The following PSME2 variants were observed in gnomAD, a reference collection of about 807,000 sequenced individuals.
PSME2 encodes proteasome activator complex subunit 2.
PSME2 carries 20 observed loss-of-function variants against 38.8 expected under a neutral mutation model. That is an observed-to-expected ratio of 0.52 (90% CI 0.36 to 0.75). PSME2 has a LOEUF of 0.75. PSME2 is among the 30% of genes least tolerant of loss of function. The pLI is 0.00. For synonymous variants in PSME2, 82 were observed against 102.5 expected, an observed-to-expected ratio of 0.80 and a Z score of 1.21; for missense variants, 227 against 287.6, an observed-to-expected ratio of 0.79 and a Z score of 1.52.
At chr14:24,144,065 T>A (rs1566609138) in intron 8 of PSME2, 36 bp from the exon 9 acceptor site, 1 of 1,612,026 alleles carries the variant, frequency 6.2e-7, no homozygotes, top group Non-Finnish European at 8.5e-7. Context: ...GGAATGAGTG[T>A]TCAGGGAGAT....
At chr14:24,144,282 G>A (rs1045344773) in intron 7 of PSME2, 23 bp from the exon 8 acceptor site, 2 of 1,613,950 alleles carry the variant, frequency 1.2e-6, no homozygotes, top group African/African-American at 2.7e-5. Context: ...GGGAGGCAAA[G>A]ACAACACTTC....
chr14:24,145,123 T>C lies in PSME2; in HGVS notation c.295A>G (p.Lys99Glu). ...HKCGFLPGNE[K>E]VLSLLALVKP... ...ACCAGGGCAAGCAGGGACAGGACTT[T>C]CTCATTCCCAGGGAGAAATCCACAC... is the stretch of plus-strand genomic sequence containing the variant. The change falls in exon 6 of 11, where the codon AAA becomes GAA. Residue 99 changes from lysine to glutamate, a missense_variant. Physicochemically the swap from Lys to Glu is moderately conservative, Grantham distance 56. This residue lies in a region of PSME2 where 48 missense variants were observed against 96.4 expected (regional missense o/e 0.50). Transcript: ENST00000216802. 1.2e-6 allele frequency: 2 copies of C among 1,613,684 alleles called. No individual in the cohort carries two copies. Among genetic ancestry groups the C allele is most frequent in the African/African-American group, 1.3e-5 (1 of 74,984 alleles).
At position 24,145,422 on chromosome 14, in the gene PSME2, G is replaced by A; in HGVS notation, c.188C>T (p.Pro63Leu). The change falls in exon 4 of 11, where the codon CCA (proline) becomes CTA (leucine). Residue 63 changes from proline (P) to leucine (L), a missense_variant. Physicochemically the swap from Pro to Leu is moderately conservative, Grantham distance 98. Transcript: ENST00000216802. ...AGGGTCTGGGATGGGGATGTCCAGT[G>A]GGGCCCGGAGGGAAGTCAAGTCAGC... ...NVADLTSLRA[P>L]LDIPIPDPPP... 2 of 1,562,190 alleles carry A rather than the reference G, an allele frequency of 1.3e-6. No homozygotes were observed. Among genetic ancestry groups the A allele is most frequent in the South Asian group, 1.2e-5 (1 of 81,464 alleles).
chr14:24,143,593 C>G lies in PSME2; in HGVS notation c.631G>C (p.Ala211Pro). ...ELRAMVLDLR[A>P]FYAELYHIIS... is the part of the protein sequence containing the mutation. ...CCTTACTCCACACTCACATAGAAGG[C>G]CCTCAGGTCCAGCACCATGGCCCTG... Residue 211 changes from alanine to proline, a missense_variant, in exon 10 of 11, where the codon GCC (alanine) becomes CCC (proline). Transcript: ENST00000216802. This position sits in a 1 kb window ranked among gnomAD's most constrained non-coding sequence, Gnocchi z 4.4. 1 of 1,614,132 alleles carries G rather than the reference C, an allele frequency of 6.2e-7. No homozygotes were observed. The highest frequency in any genetic ancestry group is 8.5e-7 in the Non-Finnish European group (1 of 1,180,010).
intron 3 of PSME2, 26 bp downstream of exon 3, chr14:24,145,684 G>C: frequency 6.2e-7 from 1 of 1,605,030 alleles, no homozygotes; most frequent in Non-Finnish European, 8.5e-7. Flanking sequence ...ACATAGGATG[G>C]GGCAGAAGGG....
At chr14:24,144,581 T>A in intron 6 of PSME2, 113 bp from the exon 7 acceptor site, 1 of 959,528 alleles carries the variant, frequency 1.0e-6, no homozygotes, top group Non-Finnish European at 1.6e-6. Flanking sequence ...ACATACCAGG[T>A]ACTGTGCCAT....
rs998625450 is a variant in PSME2, at chr14:24,143,824, G to A, written c.552+151C>T. 4.2e-5 allele frequency: 54 copies of A among 1,280,882 alleles called. No homozygotes were observed. Among genetic ancestry groups the A allele is most frequent in the Admixed American group, 7.2e-5 (4 of 55,458 alleles). 79.3% of individuals were successfully genotyped at this position (1,280,882 alleles called of 1,614,324 possible). On this transcript the variant is annotated intron_variant, in intron 9 of 10. Coordinates refer to ENST00000216802, the MANE Select transcript of PSME2 (RefSeq NM_002818.3). This position sits in a 1 kb window ranked among gnomAD's most constrained non-coding sequence, Gnocchi z 4.4. The stretch of plus-strand genomic sequence containing the variant: ...AGGACTGAGCAGAGAAAAGGGTCAA[G>A]GTTGTTGAAGCCCAAACCAGTTTTT...
chr14:24,144,132 C>A, intron 8 of PSME2, 60 bp downstream of exon 8: 1 of 1,612,070 alleles, frequency 6.2e-7, no homozygotes, highest in South Asian at 1.1e-5. Context: ...CTGCCCAGCT[C>A]TGGGGGTCCC....
At chr14:24,144,507 C>A (rs762895594) in intron 6 of PSME2, 39 bp from the exon 7 acceptor site, 53 of 1,563,572 alleles carry the variant, frequency 3.4e-5, no homozygotes, top group Non-Finnish European at 4.4e-5. Flanking sequence ...ATTCAACAAA[C>A]ATACTGAGTT....
At position 24,144,909 on chromosome 14, in the gene PSME2, G is replaced by A. The variant is rs1205422234; in HGVS notation, c.360+149C>T. 5.1e-6 allele frequency: 4 copies of A among 779,890 alleles called. No homozygotes were observed. The African/African-American group carries it at 6.9e-5, about 14-fold the overall frequency. 48.3% of individuals were successfully genotyped at this position (779,890 alleles called of 1,614,324 possible). A position where few individuals can be genotyped will look rare whatever the true frequency, so the allele number is the denominator to read the frequency against. ...GATAAGAGAGGTCTAACAGAACGAG[G>A]AGAACAAAGGGGATCTAAGCCCAAG... On this transcript the variant is annotated intron_variant, in intron 6 of 10. Coordinates refer to ENST00000216802, the MANE Select transcript of PSME2 (RefSeq NM_002818.3).
At chr14:24,144,503 C>T in intron 6 of PSME2, 35 bp from the exon 7 acceptor site, 1 of 1,571,904 alleles carries the variant, frequency 6.4e-7, no homozygotes, top group South Asian at 1.1e-5. Context: ...AATCATTCAA[C>T]AAACATACTG....
Position 24,143,923 on chromosome 14 carries a change from C to T in PSME2, c.552+52G>A. 1.3e-6 allele frequency: 2 copies of T among 1,579,426 alleles called. No individual in the cohort carries two copies. Among genetic ancestry groups the T allele is most frequent in the Non-Finnish European group, 1.7e-6 (2 of 1,149,448 alleles). On this transcript the variant is annotated intron_variant, in intron 9 of 10. Coordinates refer to ENST00000216802, the MANE Select transcript of PSME2 (RefSeq NM_002818.3). The surrounding 1 kb of genome is among the most constrained non-coding windows in gnomAD (Gnocchi z 4.4). ...ACAAGACAAGGAGGACTTCTTCCTC[C>T]ACACCTCCTCGTCCCACACCCAGCT...
chr14:24,145,423 G>T lies in PSME2; in HGVS notation c.187C>A (p.Pro63Thr). 1 of 1,562,174 alleles carries T rather than the reference G, an allele frequency of 6.4e-7. No homozygotes were observed. The highest frequency in any genetic ancestry group is 1.7e-4 in the Middle Eastern group (1 of 5,780). The change falls in exon 4 of 11, where the codon CCA becomes ACA. Residue 63 changes from proline to threonine, a missense_variant. This residue lies in a region of PSME2 where 80 missense variants were observed against 77.3 expected (regional missense o/e 1.04). Transcript: ENST00000216802. Reference sequence around the variant, plus strand: ...GGGTCTGGGATGGGGATGTCCAGTGGGGCCCGGAGGGAAGTCAAGTCAGCC... The same window carrying T: ...GGGTCTGGGATGGGGATGTCCAGTGTGGCCCGGAGGGAAGTCAAGTCAGCC... Reference protein sequence around the residue: ...NVADLTSLRAPLDIPIPDPPP... With the variant: ...NVADLTSLRATLDIPIPDPPP...
At chr14:24,144,639 T>A in intron 6 of PSME2, 171 bp from the exon 7 acceptor site, 1 of 690,050 alleles carries the variant, frequency 1.4e-6, no homozygotes, top group South Asian at 1.9e-5. Flanking sequence ...GATATGTATT[T>A]ATTGTACCCA....
chr14:24,144,070 G>C (rs202111429), intron 8 of PSME2, 41 bp from the exon 9 acceptor site: 1 of 1,611,646 alleles, frequency 6.2e-7, no homozygotes, highest in African/African-American at 1.3e-5. Flanking sequence ...GAGTGTTCAG[G>C]GAGATGTACT....
In PSME2 at chr14:24,145,529, C is replaced by T. The variant is rs1365473760; in HGVS notation, c.145-64G>A. 1.4e-5 allele frequency: 21 copies of T among 1,500,286 alleles called. No individual in the cohort carries two copies. The South Asian group carries it at 2.6e-4, about 19-fold the overall frequency. The allele number at this position is 1,500,286 out of a possible 1,614,324, so 92.9% of individuals were successfully genotyped here. A position where few individuals can be genotyped will look rare whatever the true frequency, so the allele number is the denominator to read the frequency against. The stretch of plus-strand genomic sequence containing the variant: ...CCCTTCATCCTAGGTCACAGCCTTC[C>T]CTCCATACATCCCACTTGCACTCTG... On this transcript the variant is annotated intron_variant, in intron 3 of 10. Transcript: ENST00000216802.
At chr14:24,145,659 C>A (rs753159081) in intron 3 of PSME2, 51 bp downstream of exon 3, 100 of 1,569,388 alleles carry the variant, frequency 6.4e-5, no homozygotes, top group Non-Finnish European at 9.7e-6. Context: ...AGAGGGTGGG[C>A]AAAGGGGATA....
At position 24,146,069 on chromosome 14, in the gene PSME2, C is replaced by T. The variant is rs1377638934; in HGVS notation, c.81+139G>A. ...GATTAAAGGTAGCTATCAATAATTC[C>T]GGGGTTACTTTGGGTGAAGGCTTGG... On this transcript the variant is annotated intron_variant, in intron 2 of 10. Coordinates refer to ENST00000216802, the MANE Select transcript of PSME2 (RefSeq NM_002818.3). 7.5e-6 allele frequency: 8 copies of T among 1,060,848 alleles called. No individual in the cohort carries two copies. The Admixed American group carries it at 7.7e-5, about 10-fold the overall frequency. The allele number at this position is 1,060,848 out of a possible 1,614,324, so 65.7% of individuals were successfully genotyped here.
Position 24,146,223 on chromosome 14 carries a change from C to G in PSME2, c.66G>C (p.Gln22His). ...AGAGACTTACCTCCTGGAAAAGATTCTGTCTGAAGACCTCCACCTACACAG... is the reference window on the plus strand; with the variant it reads ...AGAGACTTACCTCCTGGAAAAGATTGTGTCTGAAGACCTCCACCTACACAG... ...EARKQVEVFR[Q>H]NLFQEAEEFL... The change falls in exon 2 of 11, where the codon CAG becomes CAC. Residue 22 changes from glutamine (Q) to histidine (H), a missense_variant. Around this residue, in one of 3 missense-constraint regions of PSME2, gnomAD observed 80 missense variants for 77.3 expected, o/e 1.04. Transcript: ENST00000216802. 1.9e-6 allele frequency: 3 copies of G among 1,613,050 alleles called. No individual in the cohort carries two copies. Among genetic ancestry groups the G allele is most frequent in the Non-Finnish European group, 2.5e-6 (3 of 1,179,548 alleles).
Sources: allele counts gnomAD v4.1 joint callset, GRCh38; gene constraint gnomAD v4.1.1; regional missense constraint gnomAD v4.1.1; non-coding constraint Gnocchi (gnomAD v3.1); transcripts MANE v1.5; gene names NCBI Gene and HGNC (gene_info 2026-07-23, HGNC 2026-07-21).